The following TAF3 variants were observed in gnomAD, a reference collection of about 807,000 sequenced individuals.
TAF3 encodes transcription initiation factor TFIID subunit 3.
Under a neutral mutation model 80.6 loss-of-function variants are expected in TAF3, and 7 were observed. The ratio of observed to expected loss-of-function variants is 0.09; its 90% CI spans 0.05 to 0.16. TAF3 has a LOEUF of 0.16. Ranked by LOEUF, TAF3 falls within the 10% of genes least tolerant of loss-of-function variation. The pLI, the probability that TAF3 is intolerant of heterozygous loss-of-function variation, is 1.00. For missense variants in TAF3, 921 were observed against 1,140.2 expected, an observed-to-expected ratio of 0.81 and a Z score of 2.77; for synonymous variants, 444 against 446.1, an observed-to-expected ratio of 1.00 and a Z score of 0.06.
At chr10:8,014,210 G>A (rs567071719) in intron 6 of TAF3, among the ~76,000 whole-genome samples, 3 of 152,300 alleles carry the variant, frequency 2.0e-5, no homozygotes, top group Non-Finnish European at 4.4e-5. Flanking sequence ...ACAAACTGCA[G>A]GACTAAAGAC....
chr10:7,974,871 C>G (rs1231431324), intron 3 of TAF3, among the ~76,000 whole-genome samples: 1 of 151,752 alleles, frequency 6.6e-6, no homozygotes, highest in African/African-American at 2.4e-5. Flanking sequence ...GTCAGGAGAT[C>G]GAGACCACCC....
intron 1 of TAF3, 57 bp downstream of exon 1, chr10:7,818,932 C>A: frequency 7.4e-7 from 1 of 1,342,308 alleles, no homozygotes; most frequent in Non-Finnish European, 9.6e-7. Flanking sequence ...GTGACACCTT[C>A]GCTCTCCCTG....
chr10:7,948,511 T>C (rs1384289950), intron 2 of TAF3, among the ~76,000 whole-genome samples: 1 of 152,148 alleles, frequency 6.6e-6, no homozygotes, highest in African/African-American at 2.4e-5. Context: ...CAGGAAAGAG[T>C]TGATTGTAAT....
At chr10:7,967,828 G>A (rs1274713722) in intron 3 of TAF3, among the ~76,000 whole-genome samples, 1 of 152,168 alleles carries the variant, frequency 6.6e-6, no homozygotes, top group African/African-American at 2.4e-5. Context: ...GCTAGCCTGT[G>A]TTAATATGGG....
chr10:8,001,547 C>T (rs1327892477), intron 4 of TAF3, among the ~76,000 whole-genome samples: 1 of 152,104 alleles, frequency 6.6e-6, no homozygotes, highest in East Asian at 1.9e-4. Flanking sequence ...TGCCTTTTAA[C>T]TTTGCTGAGG....
chr10:7,869,925 G>T (rs548742481), intron 2 of TAF3, among the ~76,000 whole-genome samples: 1 of 151,820 alleles, frequency 6.6e-6, no homozygotes, highest in African/African-American at 2.4e-5. Flanking sequence ...CTTTTATCAC[G>T]CCTGACCCCT....
chr10:7,852,575 A>G (rs1837039053), intron 2 of TAF3, among the ~76,000 whole-genome samples: 1 of 152,220 alleles, frequency 6.6e-6, no homozygotes, highest in East Asian at 1.9e-4. Flanking sequence ...GTCGGTTCTA[A>G]GAGCTTGATG....
chr10:7,964,242 C>G lies in TAF3; in HGVS notation c.732C>G (p.Pro244=). The G allele has an allele frequency of 6.2e-7, 1 of 1,614,170 alleles. No homozygotes were observed. Among genetic ancestry groups the G allele is most frequent in the Non-Finnish European group, 8.5e-7 (1 of 1,180,030 alleles). The change falls in exon 3 of 7, where the codon CCC becomes CCG. Residue 244 remains proline, a synonymous_variant. Transcript: ENST00000344293. This position sits in a 1 kb window ranked among gnomAD's most constrained non-coding sequence, Gnocchi z 4.1. ...QDSTDLAPPS[P]EPPMLAPVAK... is the part of the protein sequence containing the mutation. ...GTACAGACTTGGCACCTCCCTCACC[C>G]GAGCCGCCAATGTTGGCTCCAGTTG... is the stretch of plus-strand genomic sequence containing the variant.
Position 7,982,446 on chromosome 10 carries a change from C to T in TAF3, c.2315+5123C>T, listed in dbSNP as rs190357822. Among the ~76,000 whole-genome samples, 68 of 152,152 alleles carry T rather than the reference C, an allele frequency of 4.5e-4. 1 individual carries two copies. Among genetic ancestry groups the T allele is most frequent in the African/African-American group, 1.2e-3 (49 of 41,520 alleles). On this transcript the variant is annotated intron_variant, in intron 4 of 6. Transcript: ENST00000344293. ...GCCTCCCTCACTCTGTTGCCCAGGCCGGAGTGCAGTGGTGTGATCTCAGCT... is the reference window on the plus strand; with the variant it reads ...GCCTCCCTCACTCTGTTGCCCAGGCTGGAGTGCAGTGGTGTGATCTCAGCT...
chr10:7,963,847 T>C (rs1409146285), intron 2 of TAF3, 73 bp from the exon 3 acceptor site: 7 of 1,315,156 alleles, frequency 5.3e-6, no homozygotes, highest in Non-Finnish European at 7.1e-6. Context: ...ATTTGAAGCA[T>C]TGTTTTTATT....
chr10:7,968,769 A>G (rs1178781511), intron 3 of TAF3, among the ~76,000 whole-genome samples: 3 of 152,226 alleles, frequency 2.0e-5, no homozygotes, highest in Non-Finnish European at 4.4e-5. Context: ...AGGCTGTCAG[A>G]TGCTATAATT....
intron 2 of TAF3, among the ~76,000 whole-genome samples, chr10:7,869,924 C>T (rs74674053): frequency 2.0e-5 from 3 of 152,132 alleles, no homozygotes; most frequent in Non-Finnish European, 2.9e-5. Flanking sequence ...TCTTTTATCA[C>T]GCCTGACCCC....
At chr10:7,953,809 G>C (rs1295143077) in intron 2 of TAF3, among the ~76,000 whole-genome samples, 1 of 152,166 alleles carries the variant, frequency 6.6e-6, no homozygotes. Flanking sequence ...AGTTAACACA[G>C]AGCTCTCCAT....
chr10:7,882,246 A>G (rs919313995), intron 2 of TAF3, among the ~76,000 whole-genome samples: 1 of 152,224 alleles, frequency 6.6e-6, no homozygotes, highest in African/African-American at 2.4e-5. Context: ...CAATCTTAGC[A>G]TGTTAGATTT....
chr10:8,003,788 G>A (rs1322886478), intron 4 of TAF3, among the ~76,000 whole-genome samples: 1 of 152,164 alleles, frequency 6.6e-6, no homozygotes, highest in East Asian at 1.9e-4. Flanking sequence ...GCATGCGCCT[G>A]TAATCCCAGC....
At chr10:7,915,861 C>G (rs981012421) in intron 2 of TAF3, among the ~76,000 whole-genome samples, 1 of 151,434 alleles carries the variant, frequency 6.6e-6, no homozygotes, top group African/African-American at 2.4e-5. Context: ...CACCTGTAAT[C>G]CAGCTACTTG....
At chr10:7,925,973 G>GGAGGCC (rs1285770296) in intron 2 of TAF3, among the ~76,000 whole-genome samples, 1 of 152,142 alleles carries the variant, frequency 6.6e-6, no homozygotes, top group Non-Finnish European at 1.5e-5. Context: ...TAGCACTTTA[G>GGAGGCC]GAGGCCAAGG....
chr10:7,977,869 G>T (rs929665876), intron 4 of TAF3, among the ~76,000 whole-genome samples: 1 of 151,956 alleles, frequency 6.6e-6, no homozygotes, highest in South Asian at 2.1e-4. Context: ...CAAACCCCAC[G>T]TTTGCTGTTT....
At chr10:7,831,295 A>G (rs773741222) in intron 2 of TAF3, among the ~76,000 whole-genome samples, 6 of 152,004 alleles carry the variant, frequency 3.9e-5, no homozygotes, top group Non-Finnish European at 8.8e-5. Flanking sequence ...GTTTCATTTA[A>G]TACTCTATCA....
Sources: allele counts gnomAD v4.1 joint callset (sites outside exome capture counted in the v4.1 genomes callset), GRCh38; gene constraint gnomAD v4.1.1; non-coding constraint Gnocchi (gnomAD v3.1); transcripts MANE v1.5; gene names NCBI Gene and HGNC (gene_info 2026-07-23, HGNC 2026-07-21).